USP47: variants seen among roughly 807,000 people sequenced by gnomAD.
USP47 encodes the protein ubiquitin carboxyl-terminal hydrolase 47.
Under a neutral mutation model 165.1 loss-of-function variants are expected in USP47, and 35 were observed. The observed-to-expected ratio is 0.21, with a 90% confidence interval of 0.16 to 0.28. USP47 has a LOEUF of 0.28. USP47 is among the 10% of genes least tolerant of loss of function. The pLI, the probability that USP47 is intolerant of heterozygous loss-of-function variation, is 1.00. For synonymous variants in USP47, 531 were observed against 544.5 expected (o/e 0.98, Z 0.35); for missense variants, 1,277 against 1,607.4 (o/e 0.79, Z 3.52).
chr11:11,960,265 T>C lies in USP47; in HGVS notation c.*4090T>C, dbSNP rs1847393854. ...GGCCAGGAAGAGCGGGGGGAAGACA[T>C]GTGCTAACCACTTCTTAGCAATGAG... On this transcript the variant is annotated 3_prime_UTR_variant, in exon 28 of 28. Transcript: ENST00000527733. Among the ~76,000 whole-genome samples the C allele has an allele frequency of 6.6e-6, 1 of 152,128 alleles. No homozygotes were observed. The highest frequency in any genetic ancestry group is 1.5e-5 in the Non-Finnish European group (1 of 67,976).
intron 7 of USP47, among the ~76,000 whole-genome samples, chr11:11,905,197 T>A (rs1001055436): frequency 1.2e-4 from 18 of 150,078 alleles, no homozygotes; most frequent in African/African-American, 4.5e-4. Context: ...TGTGTTGTTT[T>A]GATTTTTTCT....
chr11:11,912,356 G>C (rs933439138), intron 8 of USP47, among the ~76,000 whole-genome samples: 26 of 151,970 alleles, frequency 1.7e-4, no homozygotes, highest in African/African-American at 6.0e-4. Flanking sequence ...AAAATTTCCA[G>C]TATCAGGAAT....
At chr11:11,867,715 A>G (rs1849773337) in intron 1 of USP47, among the ~76,000 whole-genome samples, 1 of 152,192 alleles carries the variant, frequency 6.6e-6, no homozygotes, top group African/African-American at 2.4e-5. Context: ...TTTTTTAAAA[A>G]TGTGAGCTGT....
In USP47 at chr11:11,931,365, C is replaced by T. The variant is rs138537226; in HGVS notation, c.1651+614C>T. Among the ~76,000 whole-genome samples the T allele has an allele frequency of 1.5e-3, 228 of 152,036 alleles. 1 individual carries two copies. Among genetic ancestry groups the T allele is most frequent in the Non-Finnish European group, 2.6e-3 (178 of 67,980 alleles). The stretch of plus-strand genomic sequence containing the variant: ...CTCATCTTTTCACATAAAGTATATT[C>T]TAGGATCTGTCATATAGTAATGTTC... On this transcript the variant is annotated intron_variant, in intron 14 of 27. Transcript: ENST00000527733.
intron 1 of USP47, among the ~76,000 whole-genome samples, chr11:11,860,587 T>A (rs979200767): frequency 8.5e-5 from 13 of 152,208 alleles, no homozygotes; most frequent in Admixed American, 2.6e-4. Flanking sequence ...TAACAGATAA[T>A]ATAAACAAGC....
intron 1 of USP47, among the ~76,000 whole-genome samples, chr11:11,873,386 A>T (rs1382689722): frequency 6.6e-6 from 1 of 152,134 alleles, no homozygotes; most frequent in Non-Finnish European, 1.5e-5. Context: ...GTTGTGAGGG[A>T]TATTGTTAAG....
In USP47 at chr11:11,849,735, C is replaced by G. The variant is rs550029309; in HGVS notation, c.39+7511C>G. On this transcript the variant is annotated intron_variant, in intron 1 of 27. Coordinates refer to ENST00000527733, the MANE Select transcript of USP47 (RefSeq NM_001282659.2). ...CTCAGTTCTGTCTTGTTTTGGAGCCCCTGTTTCTGTATCTGGTATCTTTGG... is the reference window on the plus strand; with the variant it reads ...CTCAGTTCTGTCTTGTTTTGGAGCCGCTGTTTCTGTATCTGGTATCTTTGG... Among the ~76,000 whole-genome samples the G allele has an allele frequency of 3.9e-5, 6 of 152,188 alleles. No individual in the cohort carries two copies. The East Asian group carries it at 9.7e-4, about 24-fold the overall frequency.
chr11:11,847,313 C>T (rs1251376716), intron 1 of USP47, among the ~76,000 whole-genome samples: 3 of 147,000 alleles, frequency 2.0e-5, no homozygotes, highest in East Asian at 4.0e-4. Context: ...TTTCCTATTT[C>T]CCCTCTCCTC....
chr11:11,948,113 A>G lies in USP47; in HGVS notation c.3260A>G (p.Asp1087Gly), dbSNP rs749161486. 7.5e-6 allele frequency: 12 copies of G among 1,603,774 alleles called. No individual in the cohort carries two copies. The highest frequency in any genetic ancestry group is 1.0e-5 in the Non-Finnish European group (12 of 1,177,018). Residue 1087 changes from aspartate to glycine, a missense_variant, in exon 21 of 28, where the codon GAC becomes GGC. Physicochemically the swap from Asp to Gly is moderately conservative, Grantham distance 94. Around this residue, in one of 4 missense-constraint regions of USP47, gnomAD observed 909 missense variants for 1,068.1 expected, o/e 0.85. Transcript: ENST00000527733. Reference sequence around the variant, plus strand: ...GAGACACTTTCATCATTTTCTGATGACAATAAGGTTGATTAAAATAATCTT... The same window carrying G: ...GAGACACTTTCATCATTTTCTGATGGCAATAAGGTTGATTAAAATAATCTT... ...LNETLSSFSDDNKITIRLGRA... is the reference protein window; with the variant it reads ...LNETLSSFSDGNKITIRLGRA...
chr11:11,911,569 A>G (rs552916385), intron 8 of USP47, among the ~76,000 whole-genome samples: 44 of 152,304 alleles, frequency 2.9e-4, no homozygotes, highest in Non-Finnish European at 5.1e-4. Flanking sequence ...ACAATCCTAA[A>G]TGTGTATGCA....
intron 14 of USP47, among the ~76,000 whole-genome samples, chr11:11,931,773 C>A (rs921110464): frequency 3.9e-5 from 6 of 152,066 alleles, no homozygotes; most frequent in Middle Eastern, 3.2e-3. Flanking sequence ...CTTTTTAATG[C>A]CAAATAATCA....
chr11:11,905,220 ATAAATCT>A (rs201448274), intron 7 of USP47, among the ~76,000 whole-genome samples, 172 bp from the exon 8 acceptor site: 2,460 of 150,726 alleles, frequency 0.016, 27 homozygotes, highest in Non-Finnish European at 0.022. Context: ...AAAATTTTAG[ATAAATCT>A]TAAATATTAC....
chr11:11,894,570 A>G (rs1309677935), intron 4 of USP47, among the ~76,000 whole-genome samples: 1 of 152,212 alleles, frequency 6.6e-6, no homozygotes, highest in East Asian at 1.9e-4. Flanking sequence ...TGAGATAGCT[A>G]CATTATTCTG....
chr11:11,940,382 G>A, intron 18 of USP47, 47 bp from the exon 19 acceptor site: 1 of 1,545,928 alleles, frequency 6.5e-7, no homozygotes, highest in Non-Finnish European at 8.8e-7. Context: ...AAGTCAAGCA[G>A]AATTATTTTT....
At chr11:11,888,237 T>G (rs1248441946) in intron 3 of USP47, among the ~76,000 whole-genome samples, 2 of 151,242 alleles carry the variant, frequency 1.3e-5, no homozygotes, top group African/African-American at 4.9e-5. Context: ...AGGAGATAGA[T>G]AGAGACACGA....
At chr11:11,908,366 T>A (rs538850815) in intron 8 of USP47, among the ~76,000 whole-genome samples, 1 of 152,174 alleles carries the variant, frequency 6.6e-6, no homozygotes. Context: ...CTCAAACTCC[T>A]GGCCTCTAGC....
chr11:11,891,634 G>A (rs1277591289), intron 3 of USP47, among the ~76,000 whole-genome samples: 6 of 152,114 alleles, frequency 3.9e-5, no homozygotes, highest in Admixed American at 3.3e-4. Flanking sequence ...GAAGTTTCTT[G>A]TCAGAGACAG....
In USP47 at chr11:11,905,540, G is replaced by A; in HGVS notation, c.961G>A (p.Ala321Thr). The A allele has an allele frequency of 6.2e-7, 1 of 1,605,318 alleles. No individual in the cohort carries two copies. Among genetic ancestry groups the A allele is most frequent in the Non-Finnish European group, 8.5e-7 (1 of 1,174,020 alleles). Residue 321 changes from alanine to threonine, a missense_variant, in exon 8 of 28, where the codon GCT (alanine) becomes ACT (threonine). Physicochemically the swap from Ala to Thr is moderately conservative, Grantham distance 58. Around this residue, in one of 4 missense-constraint regions of USP47, gnomAD observed 175 missense variants for 295.8 expected, o/e 0.59. Coordinates refer to ENST00000527733, the MANE Select transcript of USP47 (RefSeq NM_001282659.2). ...ACCTTATGGGTCCAGCCAAGCATTT[G>A]CTAGTGTGGTGTGTACCTTTCACCT... ...IRPYGSSQAF[A>T]SVEEALHAFI...
In USP47 at chr11:11,842,063, G is replaced by T. The variant is rs1848149832; in HGVS notation, c.-123G>T. On this transcript the variant is annotated 5_prime_UTR_variant, in exon 1 of 28. Coordinates refer to ENST00000527733, the MANE Select transcript of USP47 (RefSeq NM_001282659.2). ...GTCTGAGGCCCAGGCTGAGGCCTCC[G>T]CTATTGCTGGAGCGCAGGCGGCGGA... 3 of 1,272,138 alleles carry T rather than the reference G, an allele frequency of 2.4e-6. No homozygotes were observed. Among genetic ancestry groups the T allele is most frequent in the Non-Finnish European group, 3.3e-6 (3 of 918,244 alleles). The allele number at this position is 1,272,138 out of a possible 1,614,324, so 78.8% of individuals were successfully genotyped here. A position where few individuals can be genotyped will look rare whatever the true frequency, so the allele number is the denominator to read the frequency against.
Sources: gnomAD v4.1 joint callset for allele counts (sites outside exome capture counted in the v4.1 genomes callset) on GRCh38, gnomAD v4.1.1 for gene constraint, gnomAD v4.1.1 regional missense constraint, MANE v1.5 for transcripts, NCBI Gene and HGNC (gene_info 2026-07-23, HGNC 2026-07-21) for gene names.